Variants in KAZN observed in about 807,000 individuals in gnomAD.
KAZN encodes kazrin.
A neutral mutation model predicts 87.4 loss-of-function variants in KAZN; 40 were observed. The observed-to-expected ratio is 0.46, with a 90% confidence interval of 0.36 to 0.60. The LOEUF (loss-of-function observed/expected upper bound fraction) is 0.60. Among genes scored for constraint, KAZN ranks in the 20% least tolerant of loss-of-function variants. The pLI, the probability that KAZN is intolerant of heterozygous loss-of-function variation, is 0.00. For missense variants in KAZN, 898 were observed against 1,073.9 expected, an observed-to-expected ratio of 0.84 and a Z score of 2.29; for synonymous variants, 466 against 458.3, an observed-to-expected ratio of 1.02 and a Z score of -0.22.
At chr1:13,954,585 A>G (rs1317920420) in intron 1 of KAZN, among the ~76,000 whole-genome samples, 1 of 151,556 alleles carries the variant, frequency 6.6e-6, no homozygotes, top group Admixed American at 6.6e-5. Flanking sequence ...ATGCATGTCA[A>G]CTCATAGAAG....
In KAZN at chr1:15,027,070, C is replaced by CTTTTTTTTTTTTTTTT. The variant is rs71000358; in HGVS notation, c.419-7665_419-7650dup. On this transcript the variant is annotated intron_variant, in intron 2 of 14. Coordinates refer to ENST00000376030, the MANE Select transcript of KAZN (RefSeq NM_201628.3). ...TAGGCAGATTCCCAAGCCAGTGCTT[C>CTTTTTTTTTTTTTTTT]TTTTTTTTTTTTTTTTTTTTTTTTT... Among the ~76,000 whole-genome samples, 4 of 56,122 alleles carry CTTTTTTTTTTTTTTTT rather than the reference C, an allele frequency of 7.1e-5. 1 individual carries two copies. Among genetic ancestry groups the CTTTTTTTTTTTTTTTT allele is most frequent in the African/African-American group, 1.3e-4 (2 of 14,868 alleles). 36.8% of individuals were successfully genotyped at this position (56,122 alleles called of 152,430 possible). A position where few individuals can be genotyped will look rare whatever the true frequency, so the allele number is the denominator to read the frequency against.
chr1:14,723,848 A>G (rs930640189), intron 1 of KAZN, among the ~76,000 whole-genome samples: 4 of 152,066 alleles, frequency 2.6e-5, no homozygotes, highest in African/African-American at 9.7e-5. Context: ...GGCACCTCCT[A>G]TTTCCCAGAC....
intron 2 of KAZN, among the ~76,000 whole-genome samples, chr1:14,186,833 T>G (rs561001362): frequency 6.1e-4 from 93 of 152,268 alleles, no homozygotes; most frequent in African/African-American, 2.2e-3. Context: ...CTGCTCTAAG[T>G]TCTAGGGACA....
chr1:14,762,946 T>G (rs76419173), intron 1 of KAZN, among the ~76,000 whole-genome samples: 1,878 of 152,346 alleles, frequency 0.012, 45 homozygotes, highest in African/African-American at 0.042. Context: ...AAGTCTTTTG[T>G]GAACTTTTAA....
chr1:14,257,945 A>G (rs1375329157), intron 2 of KAZN, among the ~76,000 whole-genome samples: 89 of 131,742 alleles, frequency 6.8e-4, no homozygotes, highest in African/African-American at 2.5e-3. Flanking sequence ...GAGTATAATA[A>G]AAAAAAAAAA....
intron 2 of KAZN, among the ~76,000 whole-genome samples, chr1:14,561,760 C>T (rs948259992): frequency 6.6e-6 from 1 of 151,882 alleles, no homozygotes; most frequent in Non-Finnish European, 1.5e-5. Flanking sequence ...AAAAATTAGC[C>T]GGGCGTGGTG....
At chr1:14,844,532 C>A (rs189205520) in intron 1 of KAZN, among the ~76,000 whole-genome samples, 189 of 152,308 alleles carry the variant, frequency 1.2e-3, no homozygotes, top group African/African-American at 4.4e-3. Context: ...GCTGAACATG[C>A]GCTAGAAGTA....
rs78780444 is a variant in KAZN, at chr1:14,459,263, G to C, written c.250-139720G>C. 6.1e-3 allele frequency among the ~76,000 whole-genome samples: 614 copies of C among 100,816 alleles called. 3 individuals are homozygous for C. The highest frequency in any genetic ancestry group is 0.036 in the Middle Eastern group (5 of 138). 66.1% of individuals were successfully genotyped at this position (100,816 alleles called of 152,430 possible). ...AGGGGGATATGGTGTGTGTGCGCGTGTGTGTGTGTGTGTGTGTGTATACAT... is the reference window on the plus strand; with the variant it reads ...AGGGGGATATGGTGTGTGTGCGCGTCTGTGTGTGTGTGTGTGTGTATACAT... On this transcript the variant is annotated intron_variant, in intron 2 of 16. Coordinates refer to the KAZN transcript ENST00000636203.
At chr1:14,972,683 T>C (rs1261680116) in intron 2 of KAZN, among the ~76,000 whole-genome samples, 1 of 151,722 alleles carries the variant, frequency 6.6e-6, no homozygotes, top group Non-Finnish European at 1.5e-5. Context: ...CCCGGCTAAT[T>C]TTTGTATTTT....
chr1:14,791,030 G>C (rs1280839914), intron 1 of KAZN, among the ~76,000 whole-genome samples: 1 of 152,072 alleles, frequency 6.6e-6, no homozygotes, highest in Non-Finnish European at 1.5e-5. Context: ...GATTCCATTT[G>C]CTGCCATCTC....
chr1:14,727,449 T>C (rs925136914), intron 1 of KAZN, among the ~76,000 whole-genome samples: 1 of 90,522 alleles, frequency 1.1e-5, no homozygotes, highest in Non-Finnish European at 2.2e-5. Flanking sequence ...TTGTGCACTT[T>C]CTTTTTTTTT....
intron 2 of KAZN, among the ~76,000 whole-genome samples, chr1:14,483,696 T>C (rs1234433146): frequency 4.6e-5 from 7 of 152,218 alleles, no homozygotes; most frequent in African/African-American, 1.4e-4. Context: ...TTTGCAAATA[T>C]TTTCTCCCAT....
Position 14,887,335 on chromosome 1 carries a change from A to T in KAZN, c.227-73349A>T, listed in dbSNP as rs985971363. ...CAGTAGCATTGCCGTGAAGAACTTG[A>T]GGCTCCTTTCGGCATGAGTGCCATG... is the stretch of plus-strand genomic sequence containing the variant. On this transcript the variant is annotated intron_variant, in intron 1 of 14. Coordinates refer to ENST00000376030, the MANE Select transcript of KAZN (RefSeq NM_201628.3). 3.3e-5 allele frequency among the ~76,000 whole-genome samples: 5 copies of T among 152,206 alleles called. No homozygotes were observed. In the East Asian group the frequency reaches 5.8e-4, roughly 18 times the overall value.
chr1:14,579,928 A>G (rs1280434504), intron 2 of KAZN, among the ~76,000 whole-genome samples: 1 of 151,280 alleles, frequency 6.6e-6, no homozygotes, highest in African/African-American at 2.4e-5. Flanking sequence ...GGGTTCATTC[A>G]CTTTATTATT....
Position 14,678,450 on chromosome 1 carries a change from G to A in KAZN, c.226+79227G>A, listed in dbSNP as rs377533255. 3.8e-4 allele frequency among the ~76,000 whole-genome samples: 58 copies of A among 152,332 alleles called. No homozygotes were observed. The East Asian group carries it at 7.9e-3, about 21-fold the overall frequency. Reference sequence around the variant, plus strand: ...CACTGTTGACTTCCCTACTTTTGAGGTTTTGGGACTTGGACCGAGCCACTG... The same window carrying A: ...CACTGTTGACTTCCCTACTTTTGAGATTTTGGGACTTGGACCGAGCCACTG... On this transcript the variant is annotated intron_variant, in intron 1 of 14. Coordinates refer to ENST00000376030, the MANE Select transcript of KAZN (RefSeq NM_201628.3).
intron 1 of KAZN, among the ~76,000 whole-genome samples, chr1:14,756,033 G>A (rs977674293): frequency 1.3e-5 from 2 of 152,168 alleles, no homozygotes; most frequent in Admixed American, 1.3e-4. Context: ...AAGAGGCATG[G>A]AGGGAAGTCA....
At chr1:14,334,621 TCAGGCAG>T (rs1657098022) in intron 2 of KAZN, among the ~76,000 whole-genome samples, 1 of 152,062 alleles carries the variant, frequency 6.6e-6, no homozygotes, top group African/African-American at 2.4e-5. Flanking sequence ...AAAAGGGAAG[TCAGGCAG>T]GATTAGGAGC....
chr1:14,492,464 G>A (rs558379508), intron 2 of KAZN, among the ~76,000 whole-genome samples: 2 of 151,782 alleles, frequency 1.3e-5, no homozygotes, highest in African/African-American at 4.8e-5. Flanking sequence ...TCAACGGGAA[G>A]AAGATGGAAA....
chr1:14,177,371 T>G (rs1646102320), intron 1 of KAZN, among the ~76,000 whole-genome samples: 1 of 152,234 alleles, frequency 6.6e-6, no homozygotes, highest in Non-Finnish European at 1.5e-5. Context: ...TTTTCATTTT[T>G]GTAAATAGAA....
Sources: allele counts gnomAD v4.1 joint callset (sites outside exome capture counted in the v4.1 genomes callset), GRCh38; gene constraint gnomAD v4.1.1; transcripts MANE v1.5; gene names NCBI Gene and HGNC (gene_info 2026-07-23, HGNC 2026-07-21).